LMNB1: variants seen among roughly 807,000 people sequenced by gnomAD.
LMNB1 encodes the protein lamin B1.
LMNB1 carries 23 observed loss-of-function variants against 67.1 expected under a neutral mutation model. The ratio of observed to expected loss-of-function variants is 0.34; its 90% CI spans 0.25 to 0.49. The LOEUF is 0.49. Among genes scored for constraint, LMNB1 ranks in the 20% least tolerant of loss-of-function variants. LMNB1 has a pLI of 0.99. For missense variants in LMNB1, 634 were observed against 746.5 expected, an observed-to-expected ratio of 0.85 and a Z score of 1.76; for synonymous variants, 281 against 282.9, an observed-to-expected ratio of 0.99 and a Z score of 0.07.
At position 126,836,564 on chromosome 5, in the gene LMNB1, G is replaced by C. The variant is rs1205909891; in HGVS notation, c.*300G>C. On this transcript the variant is annotated 3_prime_UTR_variant, in exon 11 of 11. Transcript: ENST00000261366. The stretch of plus-strand genomic sequence containing the variant: ...ATGTGTGTTTTTTCTTTTTTTTTAA[G>C]TTCTTATGAGGAGGGGAGGGTAAAT... 5.8e-6 allele frequency: 2 copies of C among 345,160 alleles called. No homozygotes were observed. Among genetic ancestry groups the C allele is most frequent in the Non-Finnish European group, 1.0e-5 (2 of 195,036 alleles). 21.4% of individuals were successfully genotyped at this position (345,160 alleles called of 1,614,324 possible). A position where few individuals can be genotyped will look rare whatever the true frequency, so the allele number is the denominator to read the frequency against.
chr5:126,779,105 G>A (rs535171990), intron 1 of LMNB1, among the ~76,000 whole-genome samples: 2 of 152,272 alleles, frequency 1.3e-5, no homozygotes, highest in Non-Finnish European at 2.9e-5. Context: ...GCCCCTGGAT[G>A]TCTTTCTGTC....
intron 1 of LMNB1, among the ~76,000 whole-genome samples, chr5:126,786,634 T>C (rs1175407681): frequency 6.6e-6 from 1 of 151,286 alleles, no homozygotes; most frequent in Non-Finnish European, 1.5e-5. Flanking sequence ...TTTACCGACA[T>C]GTAGCAGGCT....
At chr5:126,806,702 GT>G (rs1751440504) in intron 3 of LMNB1, among the ~76,000 whole-genome samples, 1 of 152,090 alleles carries the variant, frequency 6.6e-6, no homozygotes, top group Non-Finnish European at 1.5e-5. Context: ...AATCACAGAG[GT>G]TACATACCAT....
chr5:126,822,995 A>C (rs745754418), intron 8 of LMNB1, 110 bp downstream of exon 8: 143 of 688,362 alleles, frequency 2.1e-4, no homozygotes, highest in Non-Finnish European at 3.2e-4. Context: ...CCGTTAAAGT[A>C]CTTTTTATAT....
intron 1 of LMNB1, among the ~76,000 whole-genome samples, chr5:126,797,893 T>C (rs1371577251): frequency 6.6e-6 from 1 of 151,832 alleles, no homozygotes. Context: ...CGGGGCAACA[T>C]AGGAAAACCC....
intron 4 of LMNB1, among the ~76,000 whole-genome samples, chr5:126,810,637 A>G (rs1025831062): frequency 6.6e-6 from 1 of 152,186 alleles, no homozygotes; most frequent in Admixed American, 6.6e-5. Flanking sequence ...GTTGAACCCA[A>G]ACCATGTGAA....
At chr5:126,815,749 C>A (rs972584337) in intron 5 of LMNB1, among the ~76,000 whole-genome samples, 1 of 152,158 alleles carries the variant, frequency 6.6e-6, no homozygotes, top group Non-Finnish European at 1.5e-5. Flanking sequence ...AAAGGAGAAT[C>A]TAGGTCTAAC....
At chr5:126,780,593 G>A (rs928242066) in intron 1 of LMNB1, among the ~76,000 whole-genome samples, 2 of 152,224 alleles carry the variant, frequency 1.3e-5, no homozygotes, top group African/African-American at 2.4e-5. Context: ...AAAATAAAGC[G>A]GAGTGAAGGG....
intron 5 of LMNB1, among the ~76,000 whole-genome samples, chr5:126,813,225 GTTAC>G (rs1250729616): frequency 2.0e-5 from 3 of 152,172 alleles, no homozygotes; most frequent in Non-Finnish European, 4.4e-5. Context: ...CATGTGCTTT[GTTAC>G]TTACGGCACA....
At chr5:126,794,038 G>A (rs960708254) in intron 1 of LMNB1, among the ~76,000 whole-genome samples, 1 of 151,896 alleles carries the variant, frequency 6.6e-6, no homozygotes, top group Non-Finnish European at 1.5e-5. Flanking sequence ...GGGTTCAAGC[G>A]ATTCTCCTGC....
chr5:126,823,750 T>C (rs1751925642), intron 8 of LMNB1, among the ~76,000 whole-genome samples: 11 of 152,226 alleles, frequency 7.2e-5, no homozygotes, highest in Admixed American at 7.2e-4. Context: ...TCAGAGAGCA[T>C]GATGCCACTT....
At chr5:126,782,187 A>C (rs1750650011) in intron 1 of LMNB1, among the ~76,000 whole-genome samples, 1 of 152,220 alleles carries the variant, frequency 6.6e-6, no homozygotes, top group Non-Finnish European at 1.5e-5. Context: ...ATCAGTCTTC[A>C]ATAACTGATT....
intron 9 of LMNB1, among the ~76,000 whole-genome samples, chr5:126,826,775 C>G (rs752598719): frequency 2.6e-5 from 4 of 152,188 alleles, no homozygotes; most frequent in Non-Finnish European, 4.4e-5. Flanking sequence ...TTGTCTTTCC[C>G]TAGCGAATCA....
chr5:126,778,611 C>A (rs1750544069), intron 1 of LMNB1, among the ~76,000 whole-genome samples: 1 of 152,150 alleles, frequency 6.6e-6, no homozygotes, highest in Non-Finnish European at 1.5e-5. Flanking sequence ...TGGTGCGGTC[C>A]CTCGGGTGGT....
At chr5:126,805,345 C>A (rs1470284227) in intron 2 of LMNB1, among the ~76,000 whole-genome samples, 1 of 152,162 alleles carries the variant, frequency 6.6e-6, no homozygotes, top group Non-Finnish European at 1.5e-5. Context: ...CTGTTCTATT[C>A]CCTGTTGCCA....
chr5:126,834,704 G>C (rs569479634), intron 10 of LMNB1, among the ~76,000 whole-genome samples: 5 of 152,096 alleles, frequency 3.3e-5, no homozygotes, highest in Non-Finnish European at 7.3e-5. Flanking sequence ...GTGAAACCCC[G>C]TCTCTACTAA....
chr5:126,781,753 T>C (rs1419092950), intron 1 of LMNB1, among the ~76,000 whole-genome samples: 1 of 152,164 alleles, frequency 6.6e-6, no homozygotes, highest in African/African-American at 2.4e-5. Flanking sequence ...AATTTTTTAT[T>C]TGGAACTAGA....
chr5:126,792,651 A>G (rs1003808428), intron 1 of LMNB1, among the ~76,000 whole-genome samples: 1 of 135,686 alleles, frequency 7.4e-6, no homozygotes, highest in African/African-American at 2.9e-5. Context: ...ATCGCGGCTC[A>G]CCGCAACCTC....
At chr5:126,786,119 T>TTTTC (rs1244352991) in intron 1 of LMNB1, among the ~76,000 whole-genome samples, 1 of 146,206 alleles carries the variant, frequency 6.8e-6, no homozygotes, top group African/African-American at 2.5e-5. Context: ...TATCTTTTTT[T>TTTTC]TTTTTTTTTT....
Sources: gnomAD v4.1 joint callset for allele counts (sites outside exome capture counted in the v4.1 genomes callset) on GRCh38, gnomAD v4.1.1 for gene constraint, MANE v1.5 for transcripts, NCBI Gene and HGNC (gene_info 2026-07-23, HGNC 2026-07-21) for gene names.